The following DHTKD1 variants were observed in gnomAD, a reference collection of about 807,000 sequenced individuals.
DHTKD1 encodes 2-oxoadipate dehydrogenase complex component E1.
Under a neutral mutation model 101.8 loss-of-function variants are expected in DHTKD1, and 78 were observed. The ratio of observed to expected loss-of-function variants is 0.77; its 90% confidence interval spans 0.64 to 0.93. The LOEUF (loss-of-function observed/expected upper bound fraction) is 0.93, where lower values mean the gene tolerates loss of function less well. Among genes scored for constraint, DHTKD1 ranks in the 40% least tolerant of loss-of-function variants. The pLI is 0.00. For synonymous variants in DHTKD1, 462 were observed against 450.3 expected (o/e 1.03, Z -0.33); for missense variants, 1,223 against 1,161.7 (o/e 1.05, Z -0.77).
chr10:12,085,250 C>T (rs548533976), intron 3 of DHTKD1, among the ~76,000 whole-genome samples: 33 of 151,910 alleles, frequency 2.2e-4, no homozygotes, highest in Admixed American at 3.3e-4. Flanking sequence ...GTGGAGGCTG[C>T]AGTGAGCTGA....
chr10:12,082,940 T>A (rs761616143), intron 2 of DHTKD1, among the ~76,000 whole-genome samples: 13 of 151,824 alleles, frequency 8.6e-5, no homozygotes, highest in Non-Finnish European at 1.5e-4. Flanking sequence ...ATTGAGACCA[T>A]CCTGGCTAAC....
intron 9 of DHTKD1, 135 bp from the exon 10 acceptor site, chr10:12,100,907 A>G (rs965112671): frequency 4.7e-6 from 4 of 848,152 alleles, no homozygotes; most frequent in Non-Finnish European, 5.6e-6. Context: ...AATATTGGAC[A>G]GCATATATTA....
At chr10:12,077,151 T>C (rs1470720279) in intron 1 of DHTKD1, among the ~76,000 whole-genome samples, 1 of 150,554 alleles carries the variant, frequency 6.6e-6, no homozygotes, top group Non-Finnish European at 1.5e-5. Flanking sequence ...ATATATATTA[T>C]AAACTACTCA....
chr10:12,091,225 A>C (rs984159882), intron 5 of DHTKD1, among the ~76,000 whole-genome samples: 1 of 151,744 alleles, frequency 6.6e-6, no homozygotes, highest in African/African-American at 2.4e-5. Flanking sequence ...AGCCTGACCA[A>C]CATGGTGAAA....
chr10:12,101,277 G>C, intron 10 of DHTKD1, 96 bp downstream of exon 10: 1 of 1,403,636 alleles, frequency 7.1e-7, no homozygotes. Context: ...GCAACTTTGG[G>C]TTCAGTACTT....
At chr10:12,115,094 C>CTATT (rs1238952620) in intron 13 of DHTKD1, among the ~76,000 whole-genome samples, 5 of 16,090 alleles carry the variant, frequency 3.1e-4, no homozygotes, top group Non-Finnish European at 1.2e-3. Flanking sequence ...CGCTCCCGGC[C>CTATT]TGTTTGAACA....
intron 7 of DHTKD1, among the ~76,000 whole-genome samples, chr10:12,094,887 T>G (rs899017172): frequency 6.6e-6 from 1 of 152,070 alleles, no homozygotes. Flanking sequence ...GTGATCCACC[T>G]GCCTTAGCCT....
chr10:12,076,362 G>A (rs1025384890), intron 1 of DHTKD1, among the ~76,000 whole-genome samples: 3 of 152,204 alleles, frequency 2.0e-5, no homozygotes, highest in African/African-American at 7.2e-5. Flanking sequence ...TGTAGTCCCA[G>A]CTACTTGGGA....
At chr10:12,085,213 G>A (rs1832879536) in intron 3 of DHTKD1, among the ~76,000 whole-genome samples, 1 of 152,132 alleles carries the variant, frequency 6.6e-6, no homozygotes, top group African/African-American at 2.4e-5. Flanking sequence ...AGGAGGCTGA[G>A]GCATGGGAAT....
intron 6 of DHTKD1, among the ~76,000 whole-genome samples, chr10:12,093,131 C>A (rs2131361880): frequency 6.6e-6 from 1 of 151,830 alleles, no homozygotes; most frequent in East Asian, 2.0e-4. Context: ...ACAACTTGCA[C>A]CTCCCGGGTT....
chr10:12,081,960 CAAA>C (rs772486162), intron 2 of DHTKD1, among the ~76,000 whole-genome samples: 1 of 88,888 alleles, frequency 1.1e-5, no homozygotes, highest in Non-Finnish European at 2.2e-5. Context: ...ACTGTCTCTA[CAAA>C]AAAAAAAAAA....
chr10:12,069,784 C>T (rs1336520854), intron 1 of DHTKD1, among the ~76,000 whole-genome samples: 2 of 147,974 alleles, frequency 1.4e-5, no homozygotes, highest in African/African-American at 5.0e-5. Context: ...GCTGATCCTG[C>T]AGCCTCGGCC....
At chr10:12,117,595 T>A in intron 13 of DHTKD1, 78 bp from the exon 14 acceptor site, 1 of 865,144 alleles carries the variant, frequency 1.2e-6, no homozygotes, top group East Asian at 2.6e-5. Context: ...GGTACTCGTG[T>A]TTGATAGCGG....
Position 12,094,245 on chromosome 10 carries a change from C to A in DHTKD1, c.1332C>A (p.Thr444=). The A allele has an allele frequency of 6.2e-7, 1 of 1,614,146 alleles. No individual in the cohort carries two copies. Among genetic ancestry groups the A allele is most frequent in the Non-Finnish European group, 8.5e-7 (1 of 1,180,000 alleles). Residue 444 remains threonine, a synonymous_variant, in exon 7 of 17, where the codon ACC becomes ACA. Coordinates refer to ENST00000263035, the MANE Select transcript of DHTKD1 (RefSeq NM_018706.7). ...ATGAGCTGGATGAGCCATTCTACAC[C>A]AACCCCATCATGTACAAAATCATCA... is the stretch of plus-strand genomic sequence containing the variant. The part of the protein sequence containing the change: ...GHNELDEPFY[T]NPIMYKIIRA...
At chr10:12,109,003 T>C (rs1308292072) in intron 12 of DHTKD1, among the ~76,000 whole-genome samples, 2 of 151,930 alleles carry the variant, frequency 1.3e-5, no homozygotes, top group Non-Finnish European at 2.9e-5. Flanking sequence ...AATACAAAAA[T>C]TAGCCATGTG....
At chr10:12,075,934 ACT>A (rs1432623169) in intron 1 of DHTKD1, among the ~76,000 whole-genome samples, 2 of 145,700 alleles carry the variant, frequency 1.4e-5, no homozygotes, top group Middle Eastern at 3.2e-3. Flanking sequence ...ACAGAGCGAG[ACT>A]CTGTCTCAAA....
Position 12,087,379 on chromosome 10 carries a change from C to T in DHTKD1, c.523-156C>T, listed in dbSNP as rs1337190077. On this transcript the variant is annotated intron_variant, in intron 3 of 16. Transcript: ENST00000263035. This position sits in a 1 kb window ranked among gnomAD's most constrained non-coding sequence, Gnocchi z 5.2. Reference sequence around the variant, plus strand: ...CCTAGGAAAACCATCCCGCTGTGTCCGTGTTATGTCTCTCTCCGGGATATG... The same window carrying T: ...CCTAGGAAAACCATCCCGCTGTGTCTGTGTTATGTCTCTCTCCGGGATATG... Among the ~76,000 whole-genome samples the T allele has an allele frequency of 1.3e-5, 2 of 152,086 alleles. No individual in the cohort carries two copies. Among genetic ancestry groups the T allele is most frequent in the South Asian group, 2.1e-4 (1 of 4,810 alleles).
At chr10:12,071,806 G>A (rs771307824) in intron 1 of DHTKD1, among the ~76,000 whole-genome samples, 6 of 152,154 alleles carry the variant, frequency 3.9e-5, no homozygotes, top group Non-Finnish European at 7.4e-5. Context: ...GGGATTATAG[G>A]CGCGAGCCAC....
intron 1 of DHTKD1, 148 bp from the exon 2 acceptor site, chr10:12,081,324 G>A: frequency 6.8e-6 from 4 of 588,360 alleles, no homozygotes; most frequent in South Asian, 6.1e-5. Flanking sequence ...TCCAGCCTGG[G>A]CAATAGAGCA....
Sources: gnomAD v4.1 joint callset for allele counts (sites outside exome capture counted in the v4.1 genomes callset) on GRCh38, gnomAD v4.1.1 for gene constraint, Gnocchi (gnomAD v3.1) non-coding constraint, MANE v1.5 for transcripts, NCBI Gene and HGNC (gene_info 2026-07-23, HGNC 2026-07-21) for gene names.